The following TMPPE variants were observed in gnomAD, a reference collection of about 807,000 sequenced individuals.
TMPPE encodes transmembrane protein with metallophosphoesterase domain.
In TMPPE, 16 loss-of-function variants were observed where a neutral mutation model predicts 22.6. The observed-to-expected ratio is 0.71, with a 90% confidence interval of 0.48 to 1.08. TMPPE has a LOEUF of 1.08. TMPPE is among the 50% of genes least tolerant of loss of function. The pLI is 0.00. For synonymous variants in TMPPE, 240 were observed against 245.3 expected (o/e 0.98, Z 0.20); for missense variants, 526 against 584.3 (o/e 0.90, Z 1.03).
Position 33,093,140 on chromosome 3 carries a change from G to C in TMPPE, c.1056C>G (p.Asp352Glu), listed in dbSNP as rs1401217347. ...CTGGGCTGCAGCCCTCCAGGGCCTT[G>C]TCAAGATCCATGCCATGGCCAGAGT... ...LHYSGHGMDLDKALEGCSPDH... is the reference protein window; with the variant it reads ...LHYSGHGMDLEKALEGCSPDH... The change falls in exon 2 of 2, where the codon GAC (aspartate) becomes GAG (glutamate). Residue 352 changes from aspartate to glutamate, a missense_variant. Physicochemically the swap from Asp to Glu is conservative, Grantham distance 45 (BLOSUM62 2). Coordinates refer to ENST00000342462, the MANE Select transcript of TMPPE (RefSeq NM_001039770.3). The surrounding 1 kb of genome is among the most constrained non-coding windows in gnomAD (Gnocchi z 6.0). 1 of 1,614,076 alleles carries C rather than the reference G, an allele frequency of 6.2e-7. No individual in the cohort carries two copies. The highest frequency in any genetic ancestry group is 8.5e-7 in the Non-Finnish European group (1 of 1,180,040).
In TMPPE at chr3:33,092,048, C is replaced by A; in HGVS notation, c.*786G>T. The A allele has an allele frequency of 3.0e-6, 3 of 985,288 alleles. No individual in the cohort carries two copies. The South Asian group carries it at 1.4e-4, about 46-fold the overall frequency. The allele number at this position is 985,288 out of a possible 1,614,324, so 61.0% of individuals were successfully genotyped here. On this transcript the variant is annotated 3_prime_UTR_variant, in exon 2 of 2. Coordinates refer to ENST00000342462, the MANE Select transcript of TMPPE (RefSeq NM_001039770.3). ...CCAAATAGGGAAAAGCAGCCTGTCC[C>A]CAGTGAGCTCCCCGAAGGGTTGTAT...
rs750571432 is a variant in TMPPE at position 33,092,929 on chromosome 3, C to T, written c.1267G>A (p.Val423Met). ...TAGGCTGTGCCTGGGCTGACATACA[C>T]GAATGTAGCCTGGGCCACCTGGTAG... is the stretch of plus-strand genomic sequence containing the variant. Reference protein sequence around the residue: ...GLYQVAQATFVYVSPGTAYYG... With the variant: ...GLYQVAQATFMYVSPGTAYYG... The change falls in exon 2 of 2, where the codon GTG (valine) becomes ATG (methionine). Residue 423 changes from valine to methionine, a missense_variant. Physicochemically the swap from Val to Met is conservative, Grantham distance 21. Transcript: ENST00000342462. 6.8e-6 allele frequency: 11 copies of T among 1,614,062 alleles called. No homozygotes were observed. The highest frequency in any genetic ancestry group is 4.0e-5 in the African/African-American group (3 of 74,924).
chr3:33,090,797 G>A lies in TMPPE; in HGVS notation c.*2037C>T, dbSNP rs544353456. On this transcript the variant is annotated 3_prime_UTR_variant, in exon 2 of 2. Coordinates refer to ENST00000342462, the MANE Select transcript of TMPPE (RefSeq NM_001039770.3). ...GTTGATGTTGTTTCTCAGATACATA[G>A]GATGGACCTGTTTTCTTTCTGCTAA... 82 of 985,360 alleles carry A rather than the reference G, an allele frequency of 8.3e-5. 1 individual carries two copies. In the South Asian group the frequency reaches 3.3e-3, roughly 40 times the overall value. 61.0% of individuals were successfully genotyped at this position (985,360 alleles called of 1,614,324 possible).
In TMPPE at chr3:33,091,435, C is replaced by T. The variant is rs564771659; in HGVS notation, c.*1399G>A. On this transcript the variant is annotated 3_prime_UTR_variant, in exon 2 of 2. Coordinates refer to ENST00000342462, the MANE Select transcript of TMPPE (RefSeq NM_001039770.3). Reference sequence around the variant, plus strand: ...TTTGACACATCACCTGCCCCAGCAGCAGGCAGCTCGCTACCCACTCACATT... The same window carrying T: ...TTTGACACATCACCTGCCCCAGCAGTAGGCAGCTCGCTACCCACTCACATT... 1.0e-6 allele frequency: 1 copy of T among 985,542 alleles called. No homozygotes were observed. The highest frequency in any genetic ancestry group is 1.7e-5 in the African/African-American group (1 of 57,378). 61.0% of individuals were successfully genotyped at this position (985,542 alleles called of 1,614,324 possible).
rs1480022064 is a variant in TMPPE, at chr3:33,094,168, C to G, written c.28G>C (p.Gly10Arg). ...ACAGCAGCCAGGGTGGCCTTCGCGC[C>G]TAGGGACAGCTGCCTGAAGATGGCC... MAIFRQLSLGAKATLAAVTV... is the reference protein window; with the variant it reads MAIFRQLSLRAKATLAAVTV... The change falls in exon 2 of 2, where the codon GGC becomes CGC. Residue 10 changes from glycine (G) to arginine (R), a missense_variant. Transcript: ENST00000342462. The G allele has an allele frequency of 6.2e-7, 1 of 1,608,674 alleles. No individual in the cohort carries two copies. Among genetic ancestry groups the G allele is most frequent in the South Asian group, 1.1e-5 (1 of 90,734 alleles).
Position 33,093,772 on chromosome 3 carries a change from A to T in TMPPE, c.424T>A (p.Tyr142Asn), listed in dbSNP as rs762339003. The T allele has an allele frequency of 5.6e-6, 9 of 1,613,616 alleles. No individual in the cohort carries two copies. The South Asian group carries it at 9.9e-5, about 18-fold the overall frequency. Reference protein sequence around the residue: ...LFILSGMEQAYQLLAWRSGRV... With the variant: ...LFILSGMEQANQLLAWRSGRV... Reference sequence around the variant, plus strand: ...CCACTGCGCCAGGCCAAGAGCTGGTAGGCCTGCTCCATGCCGCTGAGGATG... The same window carrying T: ...CCACTGCGCCAGGCCAAGAGCTGGTTGGCCTGCTCCATGCCGCTGAGGATG... Residue 142 changes from tyrosine (Y) to asparagine (N), a missense_variant, in exon 2 of 2, where the codon TAC becomes AAC. Coordinates refer to ENST00000342462, the MANE Select transcript of TMPPE (RefSeq NM_001039770.3). The surrounding 1 kb of genome is among the most constrained non-coding windows in gnomAD (Gnocchi z 6.0).
chr3:33,093,167 G>A lies in TMPPE; in HGVS notation c.1029C>T (p.His343=), dbSNP rs776226560. The A allele has an allele frequency of 1.9e-6, 3 of 1,614,184 alleles. No homozygotes were observed. The highest frequency in any genetic ancestry group is 3.3e-5 in the Admixed American group (2 of 60,028). The change falls in exon 2 of 2, where the codon CAC becomes CAT. Residue 343 remains histidine, a synonymous_variant. Coordinates refer to ENST00000342462, the MANE Select transcript of TMPPE (RefSeq NM_001039770.3). The surrounding 1 kb of genome is among the most constrained non-coding windows in gnomAD (Gnocchi z 6.0). ...GVDDIEADIL[H]YSGHGMDLDK... ...CAAGATCCATGCCATGGCCAGAGTA[G>A]TGCAGGATGTCTGCTTCAATATCGT...
rs1191292177 is a variant in TMPPE at position 33,092,014 on chromosome 3, T to G, written c.*820A>C. 1 of 984,802 alleles carries G rather than the reference T, an allele frequency of 1.0e-6. No homozygotes were observed. Among genetic ancestry groups the G allele is most frequent in the Non-Finnish European group, 1.2e-6 (1 of 829,462 alleles). The allele number at this position is 984,802 out of a possible 1,614,324, so 61.0% of individuals were successfully genotyped here. A position where few individuals can be genotyped will look rare whatever the true frequency, so the allele number is the denominator to read the frequency against. ...TGCCCTATCTCTCTTTGCCTTGGTTTCCTTATCTCCAAATAGGGAAAAGCA... is the reference window on the plus strand; with the variant it reads ...TGCCCTATCTCTCTTTGCCTTGGTTGCCTTATCTCCAAATAGGGAAAAGCA... On this transcript the variant is annotated 3_prime_UTR_variant, in exon 2 of 2. Transcript: ENST00000342462.
In TMPPE at chr3:33,090,894, C is replaced by A; in HGVS notation, c.*1940G>T. The A allele has an allele frequency of 1.0e-6, 1 of 984,486 alleles. No individual in the cohort carries two copies. Among genetic ancestry groups the A allele is most frequent in the Non-Finnish European group, 1.2e-6 (1 of 829,806 alleles). The allele number at this position is 984,486 out of a possible 1,614,324, so 61.0% of individuals were successfully genotyped here. A position where few individuals can be genotyped will look rare whatever the true frequency, so the allele number is the denominator to read the frequency against. Reference sequence around the variant, plus strand: ...CATAAGACCACACAATGATGGCATTCAAGAGAAAGAAAAGAGGTAAGGATG... The same window carrying A: ...CATAAGACCACACAATGATGGCATTAAAGAGAAAGAAAAGAGGTAAGGATG... On this transcript the variant is annotated 3_prime_UTR_variant, in exon 2 of 2. Coordinates refer to ENST00000342462, the MANE Select transcript of TMPPE (RefSeq NM_001039770.3).
In TMPPE at chr3:33,093,673, CA is replaced by C. The variant is rs1559423721; in HGVS notation, c.522del (p.Val175CysfsTer8). On this transcript the variant is annotated frameshift_variant, in exon 2 of 2. Transcript: ENST00000342462. LOFTEE classifies it high-confidence loss of function. This position sits in a 1 kb window ranked among gnomAD's most constrained non-coding sequence, Gnocchi z 6.0. ...TTCAGAATCCCGGCCACGCTGAGCA[CA>C]GCAGTCACTCCCACTGCCAGGGCAG... ...LRPALAVGVT[A>X]VLSVAGILNA... 6.2e-7 allele frequency: 1 copy of C among 1,614,144 alleles called. No individual in the cohort carries two copies.
rs368287449 is a variant in TMPPE, at chr3:33,093,400, G to A, written c.796C>T (p.His266Tyr). 14 of 1,614,078 alleles carry A rather than the reference G, an allele frequency of 8.7e-6. No individual in the cohort carries two copies. Among genetic ancestry groups the A allele is most frequent in the Non-Finnish European group, 1.1e-5 (13 of 1,180,046 alleles). The change falls in exon 2 of 2, where the codon CAT (histidine) becomes TAT (tyrosine). Residue 266 changes from histidine to tyrosine, a missense_variant. Physicochemically the swap from His to Tyr is moderately conservative, Grantham distance 83. Transcript: ENST00000342462. This position sits in a 1 kb window ranked among gnomAD's most constrained non-coding sequence, Gnocchi z 6.0. ...ACGAAGTAGGCACCGAGATGTGAATGAAGCTGGCCCAGAGGAGCGACAGCC... is the reference window on the plus strand; with the variant it reads ...ACGAAGTAGGCACCGAGATGTGAATAAAGCTGGCCCAGAGGAGCGACAGCC... ...RTAVAPLGQL[H>Y]SHLGAYFVTG...
rs904203930 is a variant in TMPPE, at chr3:33,092,276, T to A, written c.*558A>T. The A allele has an allele frequency of 2.9e-5, 29 of 986,220 alleles. No homozygotes were observed. The highest frequency in any genetic ancestry group is 1.7e-4 in the African/African-American group (10 of 57,214). The allele number at this position is 986,220 out of a possible 1,614,324, so 61.1% of individuals were successfully genotyped here. On this transcript the variant is annotated 3_prime_UTR_variant, in exon 2 of 2. Transcript: ENST00000342462. ...ATTTTGCTGATGCCCTCAATAGAGG[T>A]GATCCTGATAGAATCAGAGGAAAAG... is the stretch of plus-strand genomic sequence containing the variant.
rs568546200 is a variant in TMPPE at position 33,091,144 on chromosome 3, C to T, written c.*1690G>A. On this transcript the variant is annotated 3_prime_UTR_variant, in exon 2 of 2. Transcript: ENST00000342462. ...GTAAGGATGATTCACAAAATGCGGT[C>T]GGGACACAAGAAAAGTGAGTTTGGA... 2.0e-6 allele frequency: 2 copies of T among 985,194 alleles called. No homozygotes were observed. Among genetic ancestry groups the T allele is most frequent in the South Asian group, 9.4e-5 (2 of 21,264 alleles). The allele number at this position is 985,194 out of a possible 1,614,324, so 61.0% of individuals were successfully genotyped here.
chr3:33,096,388 G>T, intron 1 of TMPPE: 1 of 980,210 alleles, frequency 1.0e-6, no homozygotes, highest in Non-Finnish European at 1.2e-6. Context: ...TCCCCCGGCA[G>T]CCTGCCTATT....
rs1480860648 is a variant in TMPPE at position 33,097,117 on chromosome 3, C to A, written c.-507G>T. ...CAGCCTCCCGGCTCTGCAGTCGGCG[C>A]CCAGGCCGGCCGCTTCGCGTCACTT... On this transcript the variant is annotated 5_prime_UTR_variant, in exon 1 of 2. Transcript: ENST00000342462. 1.2e-6 allele frequency: 2 copies of A among 1,609,026 alleles called. No individual in the cohort carries two copies.
At position 33,094,047 on chromosome 3, in the gene TMPPE, A is replaced by G; in HGVS notation, c.149T>C (p.Leu50Pro). Reference protein sequence around the residue: ...WRWLLRLQLALFVNSLLLIGS... With the variant: ...WRWLLRLQLAPFVNSLLLIGS... ...AATGAGCAAGAGCGAGTTGACAAAC[A>G]GGGCAAGCTGCAAGCGAAGCAGCCA... Residue 50 changes from leucine to proline, a missense_variant, in exon 2 of 2, where the codon CTG becomes CCG. Leu to Pro is a moderately conservative substitution (Grantham distance 98). Coordinates refer to ENST00000342462, the MANE Select transcript of TMPPE (RefSeq NM_001039770.3). 1 of 1,614,250 alleles carries G rather than the reference A, an allele frequency of 6.2e-7. No individual in the cohort carries two copies.
rs1700711795 is a variant in TMPPE at position 33,090,606 on chromosome 3, C to T, written c.*2228G>A. On this transcript the variant is annotated 3_prime_UTR_variant, in exon 2 of 2. Transcript: ENST00000342462. ...AAGTAACGTTTCTCACCACCTCCCCCGGCCACAAACAAACAAAAAGGTCCA... is the reference window on the plus strand; with the variant it reads ...AAGTAACGTTTCTCACCACCTCCCCTGGCCACAAACAAACAAAAAGGTCCA... The T allele has an allele frequency of 1.2e-5, 12 of 985,246 alleles. No homozygotes were observed. The highest frequency in any genetic ancestry group is 6.2e-5 in the Admixed American group (1 of 16,256). 61.0% of individuals were successfully genotyped at this position (985,246 alleles called of 1,614,324 possible).
At chr3:33,095,922 A>G (rs1359455843) in intron 1 of TMPPE, among the ~76,000 whole-genome samples, 1 of 152,192 alleles carries the variant, frequency 6.6e-6, no homozygotes, top group Non-Finnish European at 1.5e-5. Context: ...GTGAAGAGGG[A>G]GCAGCAAATA....
Position 33,090,911 on chromosome 3 carries a change from G to C in TMPPE, c.*1923C>G. ...ATGGCATTCAAGAGAAAGAAAAGAG[G>C]TAAGGATGCAAAATTAAAAAAAAAA... On this transcript the variant is annotated 3_prime_UTR_variant, in exon 2 of 2. Coordinates refer to ENST00000342462, the MANE Select transcript of TMPPE (RefSeq NM_001039770.3). 1 of 985,318 alleles carries C rather than the reference G, an allele frequency of 1.0e-6. No homozygotes were observed. The highest frequency in any genetic ancestry group is 4.7e-5 in the South Asian group (1 of 21,270). 61.0% of individuals were successfully genotyped at this position (985,318 alleles called of 1,614,324 possible). A position where few individuals can be genotyped will look rare whatever the true frequency, so the allele number is the denominator to read the frequency against.
Sources: gnomAD v4.1 joint callset for allele counts (sites outside exome capture counted in the v4.1 genomes callset) on GRCh38, gnomAD v4.1.1 for gene constraint, Gnocchi (gnomAD v3.1) non-coding constraint, MANE v1.5 for transcripts, NCBI Gene and HGNC (gene_info 2026-07-23, HGNC 2026-07-21) for gene names.